Variants in MCF2L2 observed in about 807,000 individuals in gnomAD.
MCF2L2 encodes the protein probable guanine nucleotide exchange factor MCF2L2.
MCF2L2 carries 102 observed loss-of-function variants against 150.2 expected under a neutral mutation model. The observed-to-expected ratio is 0.68, with a 90% CI of 0.58 to 0.80. The LOEUF (loss-of-function observed/expected upper bound fraction) is 0.80, where lower values mean the gene tolerates loss of function less well. Ranked by LOEUF, MCF2L2 falls within the 30% of genes least tolerant of loss-of-function variation. MCF2L2 has a pLI of 0.00. For missense variants in MCF2L2, 1,256 were observed against 1,372.8 expected, an observed-to-expected ratio of 0.91 and a Z score of 1.34; for synonymous variants, 465 against 491.3, an observed-to-expected ratio of 0.95 and a Z score of 0.71.
intron 14 of MCF2L2, among the ~76,000 whole-genome samples, chr3:183,280,413 A>G (rs1727403953): frequency 6.6e-6 from 1 of 151,798 alleles, no homozygotes; most frequent in Non-Finnish European, 1.5e-5. Flanking sequence ...TCGATTATTG[A>G]AATTGTTTTT....
intron 1 of MCF2L2, among the ~76,000 whole-genome samples, chr3:183,419,596 G>A (rs1239141649): frequency 6.6e-6 from 1 of 152,150 alleles, no homozygotes; most frequent in Non-Finnish European, 1.5e-5. Flanking sequence ...GCTGTGGCTG[G>A]GCACAGTGGC....
intron 1 of MCF2L2, among the ~76,000 whole-genome samples, chr3:183,421,294 T>G (rs73186916): frequency 0.085 from 12,894 of 152,220 alleles, 568 homozygotes; most frequent in African/African-American, 0.095. Flanking sequence ...TACATTCCAT[T>G]TATATTAGTG....
chr3:183,200,884 C>T (rs1722255423), intron 25 of MCF2L2, among the ~76,000 whole-genome samples: 1 of 152,114 alleles, frequency 6.6e-6, no homozygotes, highest in Non-Finnish European at 1.5e-5. Context: ...ATAGGGAATC[C>T]TTTCCCTATT....
intron 26 of MCF2L2, among the ~76,000 whole-genome samples, chr3:183,194,804 T>C (rs1722026182): frequency 6.6e-6 from 1 of 152,290 alleles, no homozygotes; most frequent in East Asian, 1.9e-4. Context: ...ATTTTTGAGA[T>C]AGGCTCTCGC....
At chr3:183,395,386 A>G (rs746925160) in intron 1 of MCF2L2, among the ~76,000 whole-genome samples, 2 of 152,240 alleles carry the variant, frequency 1.3e-5, no homozygotes, top group Non-Finnish European at 2.9e-5. Flanking sequence ...GTTTATGCAC[A>G]TATGTGTGGG....
At chr3:183,362,060 C>A (rs1230814014) in intron 3 of MCF2L2, among the ~76,000 whole-genome samples, 2 of 152,024 alleles carry the variant, frequency 1.3e-5, no homozygotes, top group East Asian at 3.9e-4. Context: ...TAGGTATACG[C>A]AAATATTCCA....
At chr3:183,231,350 T>A (rs917870174) in intron 15 of MCF2L2, 4 of 476,730 alleles carry the variant, frequency 8.4e-6, no homozygotes, top group Non-Finnish European at 8.2e-6. Context: ...CAGGTCTGGA[T>A]CCTTAGTCAA....
chr3:183,217,927 G>C (rs1246129313), intron 21 of MCF2L2, among the ~76,000 whole-genome samples: 1 of 152,122 alleles, frequency 6.6e-6, no homozygotes, highest in African/African-American at 2.4e-5. Flanking sequence ...CTTTTGCATG[G>C]GCTTGAGGTA....
At chr3:183,407,896 C>G (rs1220697775) in intron 1 of MCF2L2, among the ~76,000 whole-genome samples, 1 of 152,136 alleles carries the variant, frequency 6.6e-6, no homozygotes, top group Non-Finnish European at 1.5e-5. Flanking sequence ...ACCAAACCCT[C>G]TTCACGGCGG....
chr3:183,289,286 ATTTG>A, intron 13 of MCF2L2, 66 bp from the exon 14 acceptor site: 1 of 1,066,150 alleles, frequency 9.4e-7, no homozygotes, highest in Non-Finnish European at 1.4e-6. Flanking sequence ...ACTTTGTCTG[ATTTG>A]GACAAATAGC....
intron 15 of MCF2L2, among the ~76,000 whole-genome samples, chr3:183,273,750 C>A (rs1043197810): frequency 6.6e-6 from 1 of 152,166 alleles, no homozygotes; most frequent in African/African-American, 2.4e-5. Flanking sequence ...TACACAAATA[C>A]TTTCCATTGT....
intron 27 of MCF2L2, among the ~76,000 whole-genome samples, chr3:183,187,596 G>A (rs1721741569): frequency 6.6e-6 from 1 of 152,150 alleles, no homozygotes; most frequent in Admixed American, 6.5e-5. Flanking sequence ...AGCCTCCCGA[G>A]TAGCTGGGAC....
intron 3 of MCF2L2, among the ~76,000 whole-genome samples, chr3:183,368,042 A>T (rs1176638410): frequency 6.6e-6 from 1 of 152,204 alleles, no homozygotes; most frequent in Non-Finnish European, 1.5e-5. Flanking sequence ...TTCCTTTACC[A>T]GCTTGTGAGT....
intron 27 of MCF2L2, among the ~76,000 whole-genome samples, chr3:183,189,430 T>C (rs1560331958): frequency 6.6e-6 from 1 of 152,192 alleles, no homozygotes; most frequent in African/African-American, 2.4e-5. Context: ...GGACAGATCT[T>C]GGAAAGGGCA....
Position 183,179,240 on chromosome 3 carries a change from A to G in MCF2L2, c.*140T>C, listed in dbSNP as rs574042276. 6.6e-4 allele frequency: 771 copies of G among 1,172,964 alleles called. 8 individuals are homozygous for G. The South Asian group carries it at 0.016, about 24-fold the overall frequency. The allele number at this position is 1,172,964 out of a possible 1,614,324, so 72.7% of individuals were successfully genotyped here. A position where few individuals can be genotyped will look rare whatever the true frequency, so the allele number is the denominator to read the frequency against. On this transcript the variant is annotated 3_prime_UTR_variant, in exon 30 of 30. Coordinates refer to ENST00000328913, the MANE Select transcript of MCF2L2 (RefSeq NM_015078.4). This position sits in a 1 kb window ranked among gnomAD's most constrained non-coding sequence, Gnocchi z 4.2. ...GGACACCCCTCGGGCTCCTCGGAGG[A>G]GGCCCTGGTTGTCCCCTTTCTGCCG...
At chr3:183,219,778 T>C in intron 21 of MCF2L2, 78 bp downstream of exon 21, 4 of 929,786 alleles carry the variant, frequency 4.3e-6, no homozygotes, top group South Asian at 1.5e-5. Context: ...CCAAGTAAAA[T>C]TGCTATAAAT....
intron 22 of MCF2L2, among the ~76,000 whole-genome samples, chr3:183,209,271 AG>A (rs1169238496): frequency 6.6e-6 from 1 of 152,224 alleles, no homozygotes; most frequent in East Asian, 1.9e-4. Context: ...GTTTTAGTAA[AG>A]GCAACTGGTA....
chr3:183,371,074 G>A (rs1373062720), intron 3 of MCF2L2, among the ~76,000 whole-genome samples: 3 of 152,196 alleles, frequency 2.0e-5, no homozygotes, highest in Non-Finnish European at 4.4e-5. Flanking sequence ...AGCCAGTCCA[G>A]CGAAAACCAC....
chr3:183,375,336 T>C (rs1193573258), intron 3 of MCF2L2: 2 of 152,230 alleles, frequency 1.3e-5, no homozygotes, highest in African/African-American at 4.8e-5. Flanking sequence ...TGACTCTCCT[T>C]GACTTCTTTC....
Sources: allele counts gnomAD v4.1 joint callset (sites outside exome capture counted in the v4.1 genomes callset), GRCh38; gene constraint gnomAD v4.1.1; non-coding constraint Gnocchi (gnomAD v3.1); transcripts MANE v1.5; gene names NCBI Gene and HGNC (gene_info 2026-07-23, HGNC 2026-07-21).